The following LARGE1 variants were observed in gnomAD, a reference collection of about 807,000 sequenced individuals.
The protein encoded by LARGE1 is LARGE xylosyl- and glucuronyltransferase 1.
Under a neutral mutation model 87.6 loss-of-function variants are expected in LARGE1, and 43 were observed. That is an observed-to-expected ratio of 0.49 (90% CI 0.38 to 0.63). The LOEUF (loss-of-function observed/expected upper bound fraction) is 0.63. Among genes scored for constraint, LARGE1 ranks in the 30% least tolerant of loss-of-function variants. LARGE1 has a pLI of 0.00. For synonymous variants in LARGE1, 434 were observed against 394.6 expected (o/e 1.10, Z -1.18); for missense variants, 802 against 1,000.2 (o/e 0.80, Z 2.67).
chr22:33,690,678 A>T (rs2082074930), intron 2 of LARGE1, among the ~76,000 whole-genome samples: 1 of 152,012 alleles, frequency 6.6e-6, no homozygotes, highest in Admixed American at 6.6e-5. Context: ...AGGAAAAAAA[A>T]AAAAAAAGGA....
At chr22:33,692,607 G>A (rs563521992) in intron 2 of LARGE1, among the ~76,000 whole-genome samples, 1 of 152,150 alleles carries the variant, frequency 6.6e-6, no homozygotes, top group Non-Finnish European at 1.5e-5. Flanking sequence ...CACCGCGCCC[G>A]GCCAATGGCA....
At chr22:33,317,501 ACT>A (rs1569048667) in intron 10 of LARGE1, among the ~76,000 whole-genome samples, 1 of 152,160 alleles carries the variant, frequency 6.6e-6, no homozygotes, top group South Asian at 2.1e-4. Flanking sequence ...CTTTCTTTGA[ACT>A]CTCTGAAAGT....
intron 1 of LARGE1, among the ~76,000 whole-genome samples, chr22:33,901,563 G>A (rs34871405): frequency 0.13 from 19,751 of 152,124 alleles, 1,377 homozygotes; most frequent in Middle Eastern, 0.15. Flanking sequence ...CCTAGCTACT[G>A]GAGAGGCTGA....
chr22:33,623,222 A>G (rs375732184), intron 4 of LARGE1, among the ~76,000 whole-genome samples: 5 of 151,446 alleles, frequency 3.3e-5, no homozygotes, highest in African/African-American at 1.2e-4. Context: ...AAGACCACTC[A>G]TCTCATTCAA....
chr22:33,182,992 A>G (rs1923253904), intron 11 of LARGE1, among the ~76,000 whole-genome samples: 1 of 152,228 alleles, frequency 6.6e-6, no homozygotes, highest in African/African-American at 2.4e-5. Flanking sequence ...AATCTTCTGC[A>G]CAGTGTAGGA....
chr22:33,244,021 C>T (rs549359967), intron 11 of LARGE1, among the ~76,000 whole-genome samples: 3 of 152,230 alleles, frequency 2.0e-5, no homozygotes, highest in South Asian at 2.1e-4. Flanking sequence ...CGGAGTCTTG[C>T]TCTGTCGCCC....
At chr22:33,665,884 C>T (rs1456297564) in intron 2 of LARGE1, among the ~76,000 whole-genome samples, 1 of 103,172 alleles carries the variant, frequency 9.7e-6, no homozygotes, top group Admixed American at 1.1e-4. Context: ...AGAGCAAGAC[C>T]CCGTCTCAAG....
At chr22:33,774,284 ACTTAC>A (rs766393278) in intron 1 of LARGE1, among the ~76,000 whole-genome samples, 7 of 152,100 alleles carry the variant, frequency 4.6e-5, no homozygotes, top group Middle Eastern at 3.2e-3. Context: ...CTCTTACAAA[ACTTAC>A]CTTATTCTCC....
chr22:33,802,334 T>G (rs944909236), intron 1 of LARGE1, among the ~76,000 whole-genome samples: 2 of 152,216 alleles, frequency 1.3e-5, no homozygotes, highest in Admixed American at 1.3e-4. Context: ...GAAGAGCTCT[T>G]AGGCCCTGCT....
chr22:33,180,854 T>C (rs1287594504), intron 11 of LARGE1, among the ~76,000 whole-genome samples: 1 of 152,122 alleles, frequency 6.6e-6, no homozygotes, highest in African/African-American at 2.4e-5. Flanking sequence ...TTCATTCATA[T>C]GAAATACCAA....
intron 1 of LARGE1, among the ~76,000 whole-genome samples, chr22:33,856,063 G>A (rs138271906): frequency 1.6e-4 from 24 of 152,340 alleles, no homozygotes; most frequent in Admixed American, 1.2e-3. Context: ...GCACCTGGGC[G>A]ATGACTATGT....
At chr22:33,285,987 A>G (rs1931459537) in intron 12 of LARGE1, among the ~76,000 whole-genome samples, 1 of 152,202 alleles carries the variant, frequency 6.6e-6, no homozygotes, top group African/African-American at 2.4e-5. Context: ...AACCCTCTGA[A>G]TATCATTTGC....
At chr22:33,547,882 ATCAGAACTCT>A (rs2077407907) in intron 6 of LARGE1, among the ~76,000 whole-genome samples, 1 of 151,496 alleles carries the variant, frequency 6.6e-6, no homozygotes, top group South Asian at 2.1e-4. Flanking sequence ...TATAGGGTAT[ATCAGAACTCT>A]CTGTATTGTC....
intron 2 of LARGE1, among the ~76,000 whole-genome samples, chr22:33,689,935 A>C (rs11704708): frequency 0.025 from 3,739 of 152,244 alleles, 82 homozygotes; most frequent in Middle Eastern, 0.051. Context: ...TCAAAAAAAA[A>C]AAGGAGGGAA....
chr22:33,572,524 A>G (rs897856239), intron 5 of LARGE1, among the ~76,000 whole-genome samples: 4 of 152,244 alleles, frequency 2.6e-5, no homozygotes, highest in African/African-American at 9.6e-5. Flanking sequence ...ATGAGGTTTG[A>G]AAAAGCATTA....
At chr22:33,642,770 C>G (rs240328) in intron 3 of LARGE1, among the ~76,000 whole-genome samples, 92,732 of 139,212 alleles carry the variant, frequency 0.67, 31,139 homozygotes, top group African/African-American at 0.81. Context: ...TGATAAAACA[C>G]ACTTTAAATC....
intron 2 of LARGE1, among the ~76,000 whole-genome samples, chr22:33,741,538 G>C (rs1015279114): frequency 6.6e-6 from 1 of 152,258 alleles, no homozygotes; most frequent in Non-Finnish European, 1.5e-5. Context: ...ACCCAAGTGT[G>C]CTGCAGCCAA....
chr22:33,415,620 T>C (rs1031019454), intron 7 of LARGE1, among the ~76,000 whole-genome samples: 4 of 152,142 alleles, frequency 2.6e-5, no homozygotes, highest in South Asian at 4.1e-4. Context: ...CCAAGTCTCA[T>C]AGGAGGGGGC....
At chr22:33,371,750 C>T (rs543010802) in intron 9 of LARGE1, among the ~76,000 whole-genome samples, 110 of 151,992 alleles carry the variant, frequency 7.2e-4, no homozygotes, top group African/African-American at 2.5e-3. Flanking sequence ...TTTGGGAGGC[C>T]GAGGTGGGTG....
Sources: gnomAD v4.1 joint callset for allele counts (sites outside exome capture counted in the v4.1 genomes callset) on GRCh38, gnomAD v4.1.1 for gene constraint, MANE v1.5 for transcripts, NCBI Gene and HGNC (gene_info 2026-07-23, HGNC 2026-07-21) for gene names.